Variants in FHIT observed in about 807,000 individuals in gnomAD.
FHIT encodes fragile histidine triad diadenosine triphosphatase.
In FHIT, 19 loss-of-function variants were observed where a neutral mutation model predicts 17.9. The ratio of observed to expected loss-of-function variants is 1.06; its 90% CI spans 0.74 to 1.56. The LOEUF (loss-of-function observed/expected upper bound fraction) is 1.56. FHIT is among the 40% of genes most tolerant of loss of function. The pLI is 0.00. For synonymous variants in FHIT, 81 were observed against 69.7 expected (o/e 1.16, Z -0.81); for missense variants, 248 against 189.2 (o/e 1.31, Z -1.82).
At chr3:60,055,805 C>G (rs1001636283) in intron 5 of FHIT, among the ~76,000 whole-genome samples, 1 of 152,132 alleles carries the variant, frequency 6.6e-6, no homozygotes, top group East Asian at 1.9e-4. Context: ...AAGGCTAACT[C>G]GGAGCTGATG....
At chr3:60,039,638 T>A (rs1297564786) in intron 5 of FHIT, among the ~76,000 whole-genome samples, 1 of 152,238 alleles carries the variant, frequency 6.6e-6, no homozygotes, top group Admixed American at 6.5e-5. Context: ...TTTTCTATAC[T>A]GTTATAATAG....
At chr3:60,565,649 G>A (rs1332248969) in intron 4 of FHIT, among the ~76,000 whole-genome samples, 3 of 152,144 alleles carry the variant, frequency 2.0e-5, no homozygotes, top group Non-Finnish European at 4.4e-5. Context: ...ACTTGCTCTC[G>A]TAAAAGTTTG....
chr3:60,232,321 A>G (rs978971704), intron 5 of FHIT, among the ~76,000 whole-genome samples: 10 of 152,284 alleles, frequency 6.6e-5, no homozygotes, highest in African/African-American at 2.4e-4. Context: ...GCTTCTCTTG[A>G]GTGGATCTAA....
At chr3:60,294,738 C>G (rs1248563996) in intron 5 of FHIT, among the ~76,000 whole-genome samples, 1 of 152,092 alleles carries the variant, frequency 6.6e-6, no homozygotes, top group Non-Finnish European at 1.5e-5. Flanking sequence ...CATCTGTTCT[C>G]CATTTCTATA....
intron 5 of FHIT, among the ~76,000 whole-genome samples, chr3:60,034,878 C>G (rs1015015885): frequency 5.9e-5 from 9 of 152,198 alleles, no homozygotes; most frequent in Non-Finnish European, 1.0e-4. Context: ...CAGCCATTCA[C>G]AGCATTGAGT....
intron 5 of FHIT, among the ~76,000 whole-genome samples, chr3:60,324,202 C>T (rs970079091): frequency 9.9e-5 from 15 of 152,068 alleles, no homozygotes; most frequent in African/African-American, 3.4e-4. Flanking sequence ...GTAATGGGCC[C>T]CAAATCTCTC....
chr3:60,967,145 C>T (rs148118960), intron 3 of FHIT, among the ~76,000 whole-genome samples: 1 of 152,186 alleles, frequency 6.6e-6, no homozygotes, highest in East Asian at 1.9e-4. Flanking sequence ...TTGCTTTATT[C>T]ACCTCCTCAG....
At chr3:59,950,889 C>G (rs1707083623) in intron 7 of FHIT, among the ~76,000 whole-genome samples, 2 of 152,198 alleles carry the variant, frequency 1.3e-5, no homozygotes, top group African/African-American at 4.8e-5. Context: ...TGACAAGAGT[C>G]ACTAGTGGTG....
intron 8 of FHIT, among the ~76,000 whole-genome samples, chr3:59,802,587 T>C (rs893273053): frequency 1.3e-5 from 2 of 152,008 alleles, no homozygotes; most frequent in Admixed American, 1.3e-4. Flanking sequence ...TGATTTTCCA[T>C]TACCCACCCA....
chr3:60,690,045 A>G (rs188617849), intron 4 of FHIT, among the ~76,000 whole-genome samples: 4 of 152,328 alleles, frequency 2.6e-5, no homozygotes, highest in Admixed American at 1.3e-4. Context: ...TCATAATCAT[A>G]AACTTAACTC....
intron 5 of FHIT, among the ~76,000 whole-genome samples, chr3:60,441,548 A>G (rs898748927): frequency 6.6e-6 from 1 of 151,144 alleles, no homozygotes; most frequent in East Asian, 2.0e-4. Context: ...AAATAAAATC[A>G]CTTAACACAT....
chr3:59,867,746 A>G (rs1398453952), intron 8 of FHIT, among the ~76,000 whole-genome samples: 1 of 151,998 alleles, frequency 6.6e-6, no homozygotes, highest in Middle Eastern at 3.2e-3. Context: ...CATATTATGT[A>G]CTCCCTAGAC....
chr3:60,163,836 T>C (rs1236717089), intron 5 of FHIT, among the ~76,000 whole-genome samples: 11 of 152,098 alleles, frequency 7.2e-5, no homozygotes, highest in Non-Finnish European at 8.8e-5. Flanking sequence ...GAGGACAAAA[T>C]CACTCCTAGT....
chr3:60,265,192 A>G lies in FHIT; in HGVS notation c.104-251040T>C, dbSNP rs139293755. On this transcript the variant is annotated intron_variant, in intron 5 of 9. Transcript: ENST00000492590. ...TTCTTTATACCAAGTTTTTCCCAAC[A>G]TTTCTGCTGAAGTACACAATGATAG... 3.3e-5 allele frequency among the ~76,000 whole-genome samples: 5 copies of G among 152,108 alleles called. 1 individual carries two copies. Among genetic ancestry groups the G allele is most frequent in the African/African-American group, 7.2e-5 (3 of 41,546 alleles).
intron 4 of FHIT, among the ~76,000 whole-genome samples, chr3:60,814,905 T>C (rs1254925018): frequency 5.3e-5 from 8 of 151,342 alleles, no homozygotes; most frequent in African/African-American, 1.9e-4. Flanking sequence ...GTTTTGTTTT[T>C]GTTGTTTTTT....
chr3:59,979,965 G>T (rs111275783), intron 7 of FHIT, among the ~76,000 whole-genome samples: 1 of 152,222 alleles, frequency 6.6e-6, no homozygotes, highest in South Asian at 2.1e-4. Context: ...AACACTGTTC[G>T]ACAGAGAAGA....
intron 5 of FHIT, among the ~76,000 whole-genome samples, chr3:60,479,761 T>A (rs940374055): frequency 6.6e-6 from 1 of 152,152 alleles, no homozygotes; most frequent in Non-Finnish European, 1.5e-5. Context: ...GAATTGCACA[T>A]GCGAGGGATC....
At chr3:60,970,888 T>A (rs1324761467) in intron 3 of FHIT, among the ~76,000 whole-genome samples, 2 of 152,232 alleles carry the variant, frequency 1.3e-5, no homozygotes, top group African/African-American at 4.8e-5. Context: ...GCTTTAGCAA[T>A]CATTAGCTCA....
intron 8 of FHIT, among the ~76,000 whole-genome samples, chr3:59,772,541 G>A (rs1035257659): frequency 6.6e-6 from 1 of 152,162 alleles, no homozygotes; most frequent in Non-Finnish European, 1.5e-5. Flanking sequence ...CAGAGAGGTC[G>A]GGGAACTGGC....
Sources: gnomAD v4.1 joint callset for allele counts (sites outside exome capture counted in the v4.1 genomes callset) on GRCh38, gnomAD v4.1.1 for gene constraint, MANE v1.5 for transcripts, NCBI Gene and HGNC (gene_info 2026-07-23, HGNC 2026-07-21) for gene names.